SNTA1: variants seen among roughly 807,000 people sequenced by gnomAD.
SNTA1 encodes the protein syntrophin alpha 1.
Under a neutral mutation model 47.1 loss-of-function variants are expected in SNTA1, and 31 were observed. The observed-to-expected ratio is 0.66, with a 90% confidence interval of 0.49 to 0.89. The LOEUF (loss-of-function observed/expected upper bound fraction) is 0.89. Ranked by LOEUF, SNTA1 falls within the 40% of genes least tolerant of loss-of-function variation. SNTA1 has a pLI of 0.00. For missense variants in SNTA1, 575 were observed against 693.0 expected (o/e 0.83, Z 1.91); for synonymous variants, 300 against 313.6 (o/e 0.96, Z 0.46).
chr20:33,423,459 C>T (rs921845142), intron 2 of SNTA1, among the ~76,000 whole-genome samples: 6 of 152,172 alleles, frequency 3.9e-5, no homozygotes, highest in African/African-American at 1.4e-4. Flanking sequence ...AAGATAGGCC[C>T]GGCCAGTGCC....
At chr20:33,426,980 T>C (rs1990184767) in intron 2 of SNTA1, among the ~76,000 whole-genome samples, 1 of 151,210 alleles carries the variant, frequency 6.6e-6, no homozygotes. Flanking sequence ...GGAGGATCAC[T>C]TGAGCCCAGG....
chr20:33,430,084 T>C (rs1285648515), intron 2 of SNTA1, among the ~76,000 whole-genome samples: 1 of 152,114 alleles, frequency 6.6e-6, no homozygotes, highest in African/African-American at 2.4e-5. Flanking sequence ...ATACAAGCCA[T>C]AGTTCAGAGA....
chr20:33,415,504 C>T (rs1437358314), intron 3 of SNTA1, among the ~76,000 whole-genome samples: 5 of 151,896 alleles, frequency 3.3e-5, no homozygotes, highest in East Asian at 1.9e-4. Context: ...AAAATACAGC[C>T]GGGCGCGGTG....
Position 33,420,889 on chromosome 20 carries a change from CAGG to C in SNTA1, c.497-2969_497-2967del, listed in dbSNP as rs1990001823. 2.0e-5 allele frequency among the ~76,000 whole-genome samples: 3 copies of C among 151,608 alleles called. No homozygotes were observed. In the South Asian group the frequency reaches 6.2e-4, roughly 32 times the overall value. On this transcript the variant is annotated intron_variant, in intron 2 of 7. Transcript: ENST00000217381. ...ATCCCAGCTACTTGGGAGGCTGAGG[CAGG>C]AGAATTGCTTGAACCCGGGAGGCGG...
intron 3 of SNTA1, among the ~76,000 whole-genome samples, chr20:33,416,967 G>T (rs1164328822): frequency 6.9e-6 from 1 of 145,854 alleles, no homozygotes. Flanking sequence ...AAAAAAGTTA[G>T]CCAGGTGTGG....
At chr20:33,418,792 CAAAAAAAAAAAAAAAAAA>C (rs760390793) in intron 2 of SNTA1, among the ~76,000 whole-genome samples, 1 of 57,436 alleles carries the variant, frequency 1.7e-5, no homozygotes, top group Non-Finnish European at 2.8e-5. Flanking sequence ...GACTCTGTCT[CAAAAAAAAAAAAAAAAAA>C]AAAAAAAAAA....
chr20:33,426,568 C>G (rs1403016713), intron 2 of SNTA1, among the ~76,000 whole-genome samples: 3 of 151,788 alleles, frequency 2.0e-5, no homozygotes, highest in African/African-American at 7.3e-5. Flanking sequence ...TCGAGACCAG[C>G]CTGGCCAACA....
intron 2 of SNTA1, among the ~76,000 whole-genome samples, chr20:33,428,192 G>A (rs2146790928): frequency 6.6e-6 from 1 of 152,144 alleles, no homozygotes; most frequent in South Asian, 2.1e-4. Context: ...CAGATCACCT[G>A]AGCTCAGTAG....
At chr20:33,431,925 C>T (rs909865589) in intron 2 of SNTA1, among the ~76,000 whole-genome samples, 1 of 152,296 alleles carries the variant, frequency 6.6e-6, no homozygotes, top group African/African-American at 2.4e-5. Flanking sequence ...AACCTGCCTA[C>T]AGAGGCCCAC....
chr20:33,415,650 G>A (rs1989856728), intron 3 of SNTA1, among the ~76,000 whole-genome samples: 1 of 151,716 alleles, frequency 6.6e-6, no homozygotes, highest in Non-Finnish European at 1.5e-5. Context: ...AATTAGTCAG[G>A]CATGGCGGCG....
At chr20:33,443,247 G>T in intron 1 of SNTA1, 64 bp downstream of exon 1, 2 of 1,309,444 alleles carry the variant, frequency 1.5e-6, no homozygotes, top group Non-Finnish European at 1.0e-6. Context: ...CGCGCTGCCA[G>T]CCCCCTGCGC....
chr20:33,421,899 G>A (rs1236103764), intron 2 of SNTA1, among the ~76,000 whole-genome samples: 1 of 134,550 alleles, frequency 7.4e-6, no homozygotes, highest in East Asian at 2.3e-4. Flanking sequence ...AGAGGTTGCA[G>A]TAAGCCAAGA....
At chr20:33,422,630 C>A (rs1225716973) in intron 2 of SNTA1, among the ~76,000 whole-genome samples, 3 of 151,448 alleles carry the variant, frequency 2.0e-5, no homozygotes, top group Non-Finnish European at 4.4e-5. Flanking sequence ...ATACAAAAAA[C>A]TAGCTGGGCA....
intron 1 of SNTA1, among the ~76,000 whole-genome samples, chr20:33,440,313 G>A (rs941099343): frequency 1.3e-5 from 2 of 151,916 alleles, no homozygotes; most frequent in Non-Finnish European, 2.9e-5. Context: ...AACATTAGCC[G>A]GGCATGGGGG....
In SNTA1 at chr20:33,408,491, G is replaced by A. The variant is rs375171085; in HGVS notation, c.*16C>T. 4 of 1,587,802 alleles carry A rather than the reference G, an allele frequency of 2.5e-6. No homozygotes were observed. The highest frequency in any genetic ancestry group is 3.5e-6 in the Non-Finnish European group (4 of 1,156,054). On this transcript the variant is annotated 3_prime_UTR_variant, in exon 8 of 8. Coordinates refer to ENST00000217381, the MANE Select transcript of SNTA1 (RefSeq NM_003098.3). The stretch of plus-strand genomic sequence containing the variant: ...TCATGGACACCCCTCTTCAGGGCTA[G>A]TGCATCCGGCGACTTCTAGGCCAAC...
At position 33,412,697 on chromosome 20, in the gene SNTA1, C is replaced by A. The variant is rs150576530; in HGVS notation, c.787G>T (p.Ala263Ser). 2.6e-4 allele frequency: 417 copies of A among 1,613,582 alleles called. No individual in the cohort carries two copies. The highest frequency in any genetic ancestry group is 2.9e-4 in the Non-Finnish European group (348 of 1,179,954). The change falls in exon 4 of 8, where the codon GCC becomes TCC. Residue 263 changes from alanine (A) to serine (S), a missense_variant. By Grantham distance (99) the Ala-to-Ser change is moderately conservative. Coordinates refer to ENST00000217381, the MANE Select transcript of SNTA1 (RefSeq NM_003098.3). ...DEASARSWAT[A>S]IQAQVNTLTP... is the part of the protein sequence containing the mutation. The stretch of plus-strand genomic sequence containing the variant: ...AGAGTATTGACCTGGGCTTGGATGG[C>A]AGTCGCCCACGACCTCGCACTAGCC...
At position 33,417,751 on chromosome 20, in the gene SNTA1, C is replaced by T. The variant is rs199762207; in HGVS notation, c.669G>A (p.Ser223=). ...CCGGGTCATTGGGGGTGCACCTCTTCGAGACATATGCCATCTTCAAGGACA... is the reference window on the plus strand; with the variant it reads ...CCGGGTCATTGGGGGTGCACCTCTTTGAGACATATGCCATCTTCAAGGACA... ...KHMSLKMAYV[S]KRCTPNDPEP... The change falls in exon 3 of 8, where the codon TCG becomes TCA. Residue 223 remains serine (S), a synonymous_variant. Transcript: ENST00000217381. 7 of 1,614,106 alleles carry T rather than the reference C, an allele frequency of 4.3e-6. No individual in the cohort carries two copies. Among genetic ancestry groups the T allele is most frequent in the African/African-American group, 2.7e-5 (2 of 75,018 alleles).
At chr20:33,433,285 T>TG (rs1293657073) in intron 2 of SNTA1, among the ~76,000 whole-genome samples, 8 of 148,040 alleles carry the variant, frequency 5.4e-5, no homozygotes, top group African/African-American at 2.0e-4. Flanking sequence ...TTTTTTGAGA[T>TG]GGAGTTTTGC....
intron 3 of SNTA1, among the ~76,000 whole-genome samples, chr20:33,415,662 G>T (rs530266263): frequency 3.3e-5 from 5 of 151,776 alleles, no homozygotes; most frequent in East Asian, 3.9e-4. Context: ...ATGGCGGCGT[G>T]CACCTGTAGT....
Sources: gnomAD v4.1 joint callset for allele counts (sites outside exome capture counted in the v4.1 genomes callset) on GRCh38, gnomAD v4.1.1 for gene constraint, MANE v1.5 for transcripts, NCBI Gene and HGNC (gene_info 2026-07-23, HGNC 2026-07-21) for gene names.